PPM1B: variants seen among roughly 807,000 people sequenced by gnomAD.
PPM1B encodes the protein protein phosphatase, Mg2+/Mn2+ dependent 1B.
A neutral mutation model predicts 43.0 loss-of-function variants in PPM1B; 22 were observed. The observed-to-expected ratio is 0.51, with a 90% CI of 0.37 to 0.73. The LOEUF is 0.73. Among genes scored for constraint, PPM1B ranks in the 30% least tolerant of loss-of-function variants. PPM1B has a pLI of 0.00. For missense variants in PPM1B, 632 were observed against 584.2 expected (o/e 1.08, Z -0.84); for synonymous variants, 217 against 197.9 (o/e 1.10, Z -0.81).
chr2:44,170,989 AT>A (rs1667313531), intron 1 of PPM1B, among the ~76,000 whole-genome samples: 1 of 149,992 alleles, frequency 6.7e-6, no homozygotes, highest in South Asian at 2.1e-4. Flanking sequence ...TCGCCTCTTC[AT>A]TTGTTTTTGC....
intron 3 of PPM1B, among the ~76,000 whole-genome samples, chr2:44,211,856 T>C (rs553990138): frequency 1.1e-4 from 16 of 151,618 alleles, no homozygotes; most frequent in Non-Finnish European, 2.1e-4. Context: ...TTCAAGTGAT[T>C]CTCCTGCCTC....
chr2:44,183,939 C>T (rs576778723), intron 1 of PPM1B, among the ~76,000 whole-genome samples: 2 of 152,192 alleles, frequency 1.3e-5, no homozygotes, highest in South Asian at 2.1e-4. Context: ...GGGGTTTCAC[C>T]GTGTTAGCCA....
chr2:44,241,958 A>T (rs1670756278), intron 5 of PPM1B, among the ~76,000 whole-genome samples: 1 of 134,256 alleles, frequency 7.4e-6, no homozygotes, highest in East Asian at 2.3e-4. Flanking sequence ...TCCCAGGTTC[A>T]CGCCATTCTC....
rs1228161183 is a variant in PPM1B at position 44,218,033 on chromosome 2, C to T, written c.1031C>T (p.Ala344Val). Residue 344 changes from alanine (A) to valine (V), a missense_variant, in exon 4 of 6, where the codon GCA becomes GTA. By Grantham distance (64) the Ala-to-Val change is moderately conservative. This residue lies in a region of PPM1B where 392 missense variants were observed against 302.7 expected (regional missense o/e 1.29). Transcript: ENST00000282412. ...DLAHVMRILS[A>V]ENIPNLPPGG... ...GCCCATGTCATGCGCATCTTGTCTG[C>T]AGAAAATATCCCAAATTTGCCTCCT... 1.2e-6 allele frequency: 2 copies of T among 1,612,856 alleles called. No individual in the cohort carries two copies. The highest frequency in any genetic ancestry group is 2.2e-5 in the East Asian group (1 of 44,812).
rs1478358940 is a variant in PPM1B, at chr2:44,241,470, A to G, written n.1547-2758A>G. 1.4e-5 allele frequency among the ~76,000 whole-genome samples: 2 copies of G among 142,486 alleles called. 1 individual carries two copies. The highest frequency in any genetic ancestry group is 3.1e-5 in the Non-Finnish European group (2 of 64,042). 93.5% of individuals were successfully genotyped at this position (142,486 alleles called of 152,430 possible). On this transcript the variant is annotated intron_variant and non_coding_transcript_variant, in intron 5 of 5. Coordinates refer to the PPM1B transcript ENST00000378540. The stretch of plus-strand genomic sequence containing the variant: ...TTCAAGGCCAGGCTCGGTGGCTCAC[A>G]CCTGTAATCCCGGCACTATGGGAGG...
At chr2:44,229,432 A>G (rs1197234155) in intron 5 of PPM1B, among the ~76,000 whole-genome samples, 1 of 152,160 alleles carries the variant, frequency 6.6e-6, no homozygotes, top group East Asian at 1.9e-4. Flanking sequence ...ACAAGTCTTT[A>G]ATCAGTCAAG....
At chr2:44,233,350 A>G (rs1670522892), downstream of PPM1B, 1 of 983,618 alleles carries the variant, frequency 1.0e-6, no homozygotes, top group South Asian at 4.7e-5. Flanking sequence ...ATTTTATAAC[A>G]TTGGGCACGG....
intron 5 of PPM1B, chr2:44,219,031 T>C (rs1210381867): frequency 6.2e-6 from 2 of 322,122 alleles, no homozygotes; most frequent in African/African-American, 4.5e-5. Context: ...TACATGAGTG[T>C]TGAGCTGAGA....
At chr2:44,205,994 C>A (rs138422139) in intron 2 of PPM1B, among the ~76,000 whole-genome samples, 1 of 152,044 alleles carries the variant, frequency 6.6e-6, no homozygotes, top group Non-Finnish European at 1.5e-5. Flanking sequence ...CCAGCCTGGG[C>A]GACAGAGTGA....
chr2:44,219,874 C>T (rs1002794800), intron 5 of PPM1B, among the ~76,000 whole-genome samples: 2 of 150,258 alleles, frequency 1.3e-5, no homozygotes, highest in African/African-American at 2.5e-5. Flanking sequence ...ACCCGGGAGG[C>T]GGAGGTTGTG....
At chr2:44,194,299 C>G (rs903904364) in intron 1 of PPM1B, among the ~76,000 whole-genome samples, 2 of 152,076 alleles carry the variant, frequency 1.3e-5, no homozygotes, top group Non-Finnish European at 2.9e-5. Flanking sequence ...ATTGTGGAGA[C>G]CAAGCATTTT....
At chr2:44,175,251 CAA>C (rs145283242) in intron 1 of PPM1B, among the ~76,000 whole-genome samples, 4,234 of 150,472 alleles carry the variant, frequency 0.028, 82 homozygotes, top group Non-Finnish European at 0.042. Context: ...GACTCCGTCT[CAA>C]AAAAAACAAA....
chr2:44,241,837 A>T (rs72800994), intron 5 of PPM1B, among the ~76,000 whole-genome samples: 31,924 of 145,076 alleles, frequency 0.22, 4,585 homozygotes, highest in African/African-American at 0.4. Flanking sequence ...AACCTGTTAT[A>T]ATAAGTATTA....
At chr2:44,185,863 A>C (rs530803476) in intron 1 of PPM1B, among the ~76,000 whole-genome samples, 5 of 152,188 alleles carry the variant, frequency 3.3e-5, no homozygotes, top group Non-Finnish European at 7.3e-5. Flanking sequence ...TTTGAATGTC[A>C]GTTATGATTT....
At chr2:44,192,757 ACT>A (rs1483848592) in intron 1 of PPM1B, among the ~76,000 whole-genome samples, 1 of 151,798 alleles carries the variant, frequency 6.6e-6, no homozygotes, top group African/African-American at 2.4e-5. Flanking sequence ...CTACCATTCT[ACT>A]CTCTGCTTCT....
At chr2:44,178,077 C>T (rs1667673200) in intron 1 of PPM1B, among the ~76,000 whole-genome samples, 1 of 151,870 alleles carries the variant, frequency 6.6e-6, no homozygotes, top group Non-Finnish European at 1.5e-5. Flanking sequence ...ACCAACACAT[C>T]TGGCTAATTT....
In PPM1B at chr2:44,228,187, C is replaced by CTTTT. The variant is rs372577752; in HGVS notation, c.1135-2209_1135-2206dup. On this transcript the variant is annotated intron_variant, in intron 5 of 5. Coordinates refer to ENST00000282412, the MANE Select transcript of PPM1B (RefSeq NM_002706.6). ...TCCACCCGCCTCAGCCTAACAAGCC[C>CTTTT]TTTTTTTTTTTTTTTTTTTTAAGAG... is the stretch of plus-strand genomic sequence containing the variant. 2.9e-3 allele frequency among the ~76,000 whole-genome samples: 338 copies of CTTTT among 115,154 alleles called. 3 individuals carry two copies. Among genetic ancestry groups the CTTTT allele is most frequent in the African/African-American group, 0.011 (326 of 30,222 alleles). 75.5% of individuals were successfully genotyped at this position (115,154 alleles called of 152,430 possible).
At position 44,201,327 on chromosome 2, in the gene PPM1B, T is replaced by C. The variant is rs977097402; in HGVS notation, c.128T>C (p.Val43Ala). The change falls in exon 2 of 6, where the codon GTT (valine) becomes GCT (alanine). Residue 43 changes from valine to alanine, a missense_variant. Physicochemically the swap from Val to Ala is moderately conservative, Grantham distance 64 (BLOSUM62 0). Around this residue, in one of 3 missense-constraint regions of PPM1B, gnomAD observed 200 missense variants for 200.7 expected, o/e 1.00. Transcript: ENST00000282412. This position sits in a 1 kb window ranked among gnomAD's most constrained non-coding sequence, Gnocchi z 5.4. ...GAAATGGAAGATGCACACACAGCTG[T>C]TGTAGGTATTCCTCACGGCTTGGAA... ...RVEMEDAHTA[V>A]VGIPHGLEDW... 1.2e-6 allele frequency: 2 copies of C among 1,614,138 alleles called. No homozygotes were observed. The highest frequency in any genetic ancestry group is 1.1e-5 in the South Asian group (1 of 91,082).
At chr2:44,236,420 A>AAAAAAAAAAAAAAAAC (rs1670615167), downstream of PPM1B, among the ~76,000 whole-genome samples, 1 of 148,514 alleles carries the variant, frequency 6.7e-6, no homozygotes, top group Non-Finnish European at 1.5e-5. Flanking sequence ...AAAAAAAAAA[A>AAAAAAAAAAAAAAAAC]AAAAAAAGTT....
Sources: allele counts gnomAD v4.1 joint callset (sites outside exome capture counted in the v4.1 genomes callset), GRCh38; gene constraint gnomAD v4.1.1; regional missense constraint gnomAD v4.1.1; non-coding constraint Gnocchi (gnomAD v3.1); transcripts MANE v1.5; gene names NCBI Gene and HGNC (gene_info 2026-07-23, HGNC 2026-07-21).